Variants in TTLL3 observed in about 807,000 individuals in gnomAD.
The protein encoded by TTLL3 is tubulin tyrosine ligase like 3.
A neutral mutation model predicts 75.2 loss-of-function variants in TTLL3; 63 were observed. That is an observed-to-expected ratio of 0.84 (90% confidence interval 0.68 to 1.03). The LOEUF is 1.03. TTLL3 is among the 50% of genes least tolerant of loss of function. The pLI, the probability that TTLL3 is intolerant of heterozygous loss-of-function variation, is 0.00. For missense variants in TTLL3, 997 were observed against 1,069.9 expected (o/e 0.93, Z 0.95); for synonymous variants, 393 against 418.5 (o/e 0.94, Z 0.74).
At chr3:9,832,881 G>A (rs1425529485) in intron 11 of TTLL3, among the ~76,000 whole-genome samples, 4 of 152,174 alleles carry the variant, frequency 2.6e-5, no homozygotes, top group Non-Finnish European at 4.4e-5. Context: ...GGGTGCTGGT[G>A]GGACATGGCT....
At position 9,814,019 on chromosome 3, in the gene TTLL3, G is replaced by A. The variant is rs532169932; in HGVS notation, c.315+674G>A. Among the ~76,000 whole-genome samples the A allele has an allele frequency of 3.9e-5, 6 of 152,188 alleles. 1 individual carries two copies. The East Asian group carries it at 5.8e-4, about 15-fold the overall frequency. On this transcript the variant is annotated intron_variant, in intron 4 of 13. Coordinates refer to ENST00000685419, the MANE Select transcript of TTLL3 (RefSeq NM_001387446.1). ...GGTCTTAAAAAGCTCTGGAAGAGACGGAGCGGGGTGGCTTATACCTGTAAT... is the reference window on the plus strand; with the variant it reads ...GGTCTTAAAAAGCTCTGGAAGAGACAGAGCGGGGTGGCTTATACCTGTAAT...
upstream of TTLL3, chr3:9,810,123 G>A (rs2079203008): frequency 1.4e-6 from 2 of 1,468,816 alleles, no homozygotes; most frequent in African/African-American, 2.9e-5. The surrounding 1 kb of genome is among the most constrained non-coding windows in gnomAD (Gnocchi z 4.4). Context: ...GGCTGCGGAA[G>A]CCGCAGCCGC....
At position 9,827,247 on chromosome 3, in the gene TTLL3, C is replaced by T; in HGVS notation, c.1247+7C>T. 1 of 1,612,282 alleles carries T rather than the reference C, an allele frequency of 6.2e-7. No homozygotes were observed. On this transcript the variant is annotated splice_region_variant and intron_variant, in intron 10 of 13. Coordinates refer to ENST00000685419, the MANE Select transcript of TTLL3 (RefSeq NM_001387446.1). ...CCCTGAAGAACCTGGACAAGTGAGCCCCTCTGCTCGCCTCCCACGAGCTCC... is the reference window on the plus strand; with the variant it reads ...CCCTGAAGAACCTGGACAAGTGAGCTCCTCTGCTCGCCTCCCACGAGCTCC...
upstream of TTLL3, chr3:9,809,839 C>G: frequency 2.1e-6 from 1 of 469,016 alleles, no homozygotes; most frequent in African/African-American, 2.0e-5. Flanking sequence ...CAGCCCCGAG[C>G]GGTCTGATGG....
At chr3:9,830,261 T>A (rs2081397397) in intron 11 of TTLL3, among the ~76,000 whole-genome samples, 1 of 152,222 alleles carries the variant, frequency 6.6e-6, no homozygotes, top group Non-Finnish European at 1.5e-5. Context: ...AGTGCCTGAA[T>A]GTATAGTAAT....
At chr3:9,810,197 C>T, upstream of TTLL3, 2 of 1,481,746 alleles carry the variant, frequency 1.3e-6, no homozygotes, top group Non-Finnish European at 1.8e-6. This position sits in a 1 kb window ranked among gnomAD's most constrained non-coding sequence, Gnocchi z 4.4. Flanking sequence ...AGGAGGCTGC[C>T]ATGGGCCGGC....
intron 8 of TTLL3, among the ~76,000 whole-genome samples, chr3:9,824,737 C>CTTTTTTTTTTTTTTTTTTTTTT (rs71052207): frequency 3.7e-5 from 3 of 80,678 alleles, no homozygotes; most frequent in Admixed American, 1.6e-4. Context: ...CTTTTCTTTT[C>CTTTTTTTTTTTTTTTTTTTTTT]TTTTTTTTTT....
chr3:9,831,257 G>T (rs1322755494), intron 11 of TTLL3, among the ~76,000 whole-genome samples: 1 of 152,130 alleles, frequency 6.6e-6, no homozygotes, highest in Non-Finnish European at 1.5e-5. Context: ...GAGGGGCCAG[G>T]CGGGTTGTTT....
At chr3:9,819,175 C>G in intron 7 of TTLL3, 1 of 529,360 alleles carries the variant, frequency 1.9e-6, no homozygotes, top group Admixed American at 3.3e-5. Flanking sequence ...ATCCTCCCAC[C>G]TGTCACCCAT....
In TTLL3 at chr3:9,829,030, C is replaced by T; in HGVS notation, c.1318C>T (p.Pro440Ser). 2 of 1,614,262 alleles carry T rather than the reference C, an allele frequency of 1.2e-6. No homozygotes were observed. The highest frequency in any genetic ancestry group is 1.3e-5 in the African/African-American group (1 of 75,060). The change falls in exon 11 of 14, where the codon CCG (proline) becomes TCG (serine). Residue 440 changes from proline to serine, a missense_variant. Physicochemically the swap from Pro to Ser is moderately conservative, Grantham distance 74. Transcript: ENST00000685419. ...ENSCHRHPLL[P>S]PDNMWSSQRF... is the part of the protein sequence containing the mutation. ...CTCATGCCATCGGCATCCACTGCTT[C>T]CGCCAGACAACATGTGGTCTAGCCA...
At chr3:9,810,183 A>G (rs1220625053), upstream of TTLL3, 18 of 1,475,978 alleles carry the variant, frequency 1.2e-5, no homozygotes, top group Admixed American at 2.5e-5. The surrounding 1 kb of genome is among the most constrained non-coding windows in gnomAD (Gnocchi z 4.4). Flanking sequence ...AGTTCCGTCC[A>G]CCCAGGAGGC....
At chr3:9,825,634 T>A in intron 8 of TTLL3, 166 bp from the exon 9 acceptor site, 3 of 1,286,490 alleles carry the variant, frequency 2.3e-6, no homozygotes, top group Non-Finnish European at 3.3e-6. Flanking sequence ...CGGGGTGGCT[T>A]GAAGGTGGGG....
At chr3:9,829,585 C>A (rs1028954857) in intron 11 of TTLL3, among the ~76,000 whole-genome samples, 190 bp downstream of exon 11, 1 of 152,152 alleles carries the variant, frequency 6.6e-6, no homozygotes, top group Non-Finnish European at 1.5e-5. Flanking sequence ...TTATTACCAT[C>A]TTTCTCATGG....
chr3:9,815,772 G>A (rs1008914141), intron 4 of TTLL3, among the ~76,000 whole-genome samples: 17 of 152,240 alleles, frequency 1.1e-4, no homozygotes, highest in South Asian at 2.1e-4. Flanking sequence ...CGCTGCCACC[G>A]CCTGGGGGCT....
At chr3:9,813,227 C>A (rs1559735733) in intron 3 of TTLL3, 21 bp from the exon 4 acceptor site, 5 of 1,614,180 alleles carry the variant, frequency 3.1e-6, no homozygotes, top group Non-Finnish European at 4.2e-6. Context: ...AACTCATCAG[C>A]TCTGGGCTCT....
Position 9,834,812 on chromosome 3 carries a change from A to T in TTLL3, c.1957A>T (p.Lys653Ter). The change falls in exon 13 of 14, where the codon AAG becomes TAG. Residue 653 changes from lysine to a stop codon, truncating the protein, a stop_gained. Transcript: ENST00000685419. LOFTEE classifies it high-confidence loss of function. The part of the protein sequence containing the change: ...VGTKALSTTG[K>*]ALRTLPTAKV... ...CACTAAGGCCCTGTCGACCACAGGC[A>T]AGGCCTTGAGGACTCTACCCACGGC... is the stretch of plus-strand genomic sequence containing the variant. 6.2e-7 allele frequency: 1 copy of T among 1,614,174 alleles called. No individual in the cohort carries two copies. Among genetic ancestry groups the T allele is most frequent in the East Asian group, 2.2e-5 (1 of 44,874 alleles).
At chr3:9,827,434 ACT>A in intron 10 of TTLL3, 194 bp downstream of exon 10, 2 of 1,006,328 alleles carry the variant, frequency 2.0e-6, no homozygotes, top group Non-Finnish European at 2.8e-6. Flanking sequence ...GGGCGGTCTC[ACT>A]CTGTTACCTA....
Position 9,820,692 on chromosome 3 carries a change from A to C in TTLL3, c.805A>C (p.Thr269Pro), listed in dbSNP as rs759984254. Residue 269 changes from threonine (T) to proline (P), a missense_variant, in exon 8 of 14, where the codon ACC (threonine) becomes CCC (proline). Transcript: ENST00000685419. ...GGACCTGGAGGCCCCGCTGTACCTC[A>C]CCCCCGAGGGCTGGTCCCTCTTCCT... ...DKDLEAPLYLTPEGWSLFLQR... is the reference protein window; with the variant it reads ...DKDLEAPLYLPPEGWSLFLQR... The C allele has an allele frequency of 6.2e-7, 1 of 1,613,902 alleles. No individual in the cohort carries two copies. The highest frequency in any genetic ancestry group is 1.1e-5 in the South Asian group (1 of 91,054).
At chr3:9,825,509 T>A in intron 8 of TTLL3, 1 of 458,222 alleles carries the variant, frequency 2.2e-6, no homozygotes, top group South Asian at 2.0e-5. Flanking sequence ...AAAGACAGTT[T>A]TAATGTAATA....
Sources: gnomAD v4.1 joint callset for allele counts (sites outside exome capture counted in the v4.1 genomes callset) on GRCh38, gnomAD v4.1.1 for gene constraint, Gnocchi (gnomAD v3.1) non-coding constraint, MANE v1.5 for transcripts, NCBI Gene and HGNC (gene_info 2026-07-23, HGNC 2026-07-21) for gene names.